Variants in C8orf88 observed in about 807,000 individuals in gnomAD.
C8orf88 encodes uncharacterized protein C8orf88.
C8orf88 carries 14 observed loss-of-function variants against 18.4 expected under a neutral mutation model. The ratio of observed to expected loss-of-function variants is 0.76; its 90% confidence interval spans 0.50 to 1.19. The LOEUF (loss-of-function observed/expected upper bound fraction) is 1.19, where lower values mean the gene tolerates loss of function less well. Among genes scored for constraint, C8orf88 ranks in the 50% most tolerant of loss-of-function variants. C8orf88 has a pLI of 0.00. For missense variants in C8orf88, 116 were observed against 134.7 expected (o/e 0.86, Z 0.69); for synonymous variants, 45 against 42.9 (o/e 1.05, Z -0.19).
intron 5 of C8orf88, 191 bp from the exon 6 acceptor site, chr8:90,959,221 AT>A: frequency 2.9e-6 from 1 of 345,994 alleles, no homozygotes; most frequent in Non-Finnish European, 5.2e-6. Context: ...TATGTAACTC[AT>A]TTTAAAATAT....
At chr8:90,961,173 C>T (rs1811121672) in intron 4 of C8orf88, among the ~76,000 whole-genome samples, 1 of 151,238 alleles carries the variant, frequency 6.6e-6, no homozygotes, top group African/African-American at 2.4e-5. Context: ...AACTATTGGG[C>T]AATTCAGATC....
At chr8:90,968,285 A>G (rs1811232610) in intron 4 of C8orf88, among the ~76,000 whole-genome samples, 2 of 151,762 alleles carry the variant, frequency 1.3e-5, no homozygotes, top group South Asian at 2.1e-4. Flanking sequence ...ATACACCTAT[A>G]GTCAACTGAT....
intron 3 of C8orf88, among the ~76,000 whole-genome samples, chr8:90,977,150 G>A (rs10105945): frequency 0.98 from 149,531 of 152,282 alleles, 73,437 homozygotes; most frequent in East Asian, 1. Context: ...CAAAAGAGGA[G>A]ATCCAAATGG....
In C8orf88 at chr8:90,960,737, C is replaced by T; in HGVS notation, c.330+5G>A. 6.7e-7 allele frequency: 1 copy of T among 1,497,634 alleles called. No individual in the cohort carries two copies. Among genetic ancestry groups the T allele is most frequent in the Non-Finnish European group, 8.9e-7 (1 of 1,118,750 alleles). 92.8% of individuals were successfully genotyped at this position (1,497,634 alleles called of 1,614,324 possible). On this transcript the variant is annotated splice_donor_5th_base_variant and intron_variant, in intron 5 of 5. Transcript: ENST00000517562. ...ATTACAATACAAACTTAGAAAACTA[C>T]TTACTGGTTTTTGCAGTACAATGGG... is the stretch of plus-strand genomic sequence containing the variant.
At chr8:90,968,654 CAACATATATATATA>C (rs1811238552) in intron 4 of C8orf88, among the ~76,000 whole-genome samples, 3 of 25,968 alleles carry the variant, frequency 1.2e-4, no homozygotes, top group South Asian at 1.3e-3. Context: ...AATGAAAAGA[CAACATATATATATA>C]TATATATATA....
chr8:90,967,972 T>C lies in C8orf88; in HGVS notation c.223+3094A>G, dbSNP rs188422890. ...TATATTTATGGATTGTCAGATTTAA[T>C]ATTGTTAAGTTGGCAATATTCCTCT... On this transcript the variant is annotated intron_variant, in intron 4 of 5. Coordinates refer to ENST00000517562, the MANE Select transcript of C8orf88 (RefSeq NM_001190972.2). Among the ~76,000 whole-genome samples, 21 of 151,932 alleles carry C rather than the reference T, an allele frequency of 1.4e-4. No homozygotes were observed. The East Asian group carries it at 3.7e-3, about 27-fold the overall frequency.
At chr8:90,968,557 A>G (rs989677174) in intron 4 of C8orf88, among the ~76,000 whole-genome samples, 2 of 150,186 alleles carry the variant, frequency 1.3e-5, no homozygotes, top group Non-Finnish European at 3.0e-5. Flanking sequence ...ACGAGCAACA[A>G]AAGGAAAAAT....
intron 3 of C8orf88, among the ~76,000 whole-genome samples, chr8:90,976,930 A>T (rs1397235421): frequency 6.6e-6 from 1 of 152,164 alleles, no homozygotes; most frequent in Non-Finnish European, 1.5e-5. Flanking sequence ...AAAGAAAAAC[A>T]TTGACAATAT....
At chr8:90,983,132 A>C (rs1049305402) in intron 1 of C8orf88, among the ~76,000 whole-genome samples, 1 of 152,174 alleles carries the variant, frequency 6.6e-6, no homozygotes, top group African/African-American at 2.4e-5. Context: ...CAACGATTCA[A>C]AGCACAGTTA....
intron 4 of C8orf88, among the ~76,000 whole-genome samples, chr8:90,968,027 C>A (rs1176703010): frequency 6.6e-6 from 1 of 151,748 alleles, no homozygotes; most frequent in African/African-American, 2.4e-5. Context: ...AACGCTATCC[C>A]TATCAAATTT....
intron 4 of C8orf88, among the ~76,000 whole-genome samples, chr8:90,966,381 A>T (rs1299201584): frequency 6.8e-6 from 1 of 146,730 alleles, no homozygotes; most frequent in African/African-American, 2.5e-5. Flanking sequence ...GAGGGATAGC[A>T]TTGGGAGATA....
At chr8:90,981,391 C>A (rs1811433746) in intron 1 of C8orf88, among the ~76,000 whole-genome samples, 1 of 152,110 alleles carries the variant, frequency 6.6e-6, no homozygotes, top group African/African-American at 2.4e-5. Context: ...GTCTATAGTT[C>A]CCTTACTATC....
chr8:90,964,709 T>C (rs1268200689), intron 4 of C8orf88, among the ~76,000 whole-genome samples: 1 of 151,656 alleles, frequency 6.6e-6, no homozygotes, highest in Non-Finnish European at 1.5e-5. Flanking sequence ...TAGGTTGATA[T>C]ATTACAGAAT....
At chr8:90,973,380 G>A (rs898137926) in intron 3 of C8orf88, among the ~76,000 whole-genome samples, 3 of 152,168 alleles carry the variant, frequency 2.0e-5, no homozygotes, top group African/African-American at 7.2e-5. Flanking sequence ...TTAAACAGAG[G>A]AGTAAAGCAG....
intron 1 of C8orf88, 46 bp from the exon 2 acceptor site, chr8:90,980,507 A>G (rs1203142745): frequency 1.2e-6 from 1 of 830,554 alleles, no homozygotes; most frequent in Non-Finnish European, 1.9e-6. Flanking sequence ...CAAAATAATC[A>G]AGATGCTTTA....
chr8:90,965,423 A>T (rs1264691289), intron 4 of C8orf88, among the ~76,000 whole-genome samples: 1 of 151,842 alleles, frequency 6.6e-6, no homozygotes, highest in Non-Finnish European at 1.5e-5. Flanking sequence ...TGGAGACTAC[A>T]ATATCCCATT....
chr8:90,961,273 T>C (rs1215659851), intron 4 of C8orf88, among the ~76,000 whole-genome samples: 1 of 151,332 alleles, frequency 6.6e-6, no homozygotes, highest in Non-Finnish European at 1.5e-5. Context: ...ACATTTATTG[T>C]ACATCTTACT....
At chr8:90,959,179 C>A in intron 5 of C8orf88, 149 bp from the exon 6 acceptor site, 8 of 407,260 alleles carry the variant, frequency 2.0e-5, no homozygotes, top group Non-Finnish European at 8.7e-6. Context: ...CTAGAACTGT[C>A]AAATAACAAA....
intron 5 of C8orf88, chr8:90,959,403 C>T (rs1811092684): frequency 6.5e-6 from 1 of 154,602 alleles, no homozygotes; most frequent in Non-Finnish European, 1.4e-5. Flanking sequence ...GGAAAGTCTA[C>T]AAATGAAAAA....
Sources: gnomAD v4.1 joint callset for allele counts (sites outside exome capture counted in the v4.1 genomes callset) on GRCh38, gnomAD v4.1.1 for gene constraint, MANE v1.5 for transcripts, NCBI Gene and HGNC (gene_info 2026-07-23, HGNC 2026-07-21) for gene names.